The following GRM1 variants were observed in gnomAD, a reference collection of about 807,000 sequenced individuals.
GRM1 encodes the protein glutamate metabotropic receptor 1, also known as metabotropic glutamate receptor 1.
In GRM1, 33 loss-of-function variants were observed where a neutral mutation model predicts 90.9. The ratio of observed to expected loss-of-function variants is 0.36; its 90% CI spans 0.28 to 0.49. The LOEUF is 0.49. GRM1 is among the 20% of genes least tolerant of loss of function. The pLI, the probability that GRM1 is intolerant of heterozygous loss-of-function variation, is 0.99. For synonymous variants in GRM1, 700 were observed against 613.2 expected (o/e 1.14, Z -2.09); for missense variants, 1,190 against 1,534.3 (o/e 0.78, Z 3.75).
intron 7 of GRM1, among the ~76,000 whole-genome samples, chr6:146,429,479 G>T (rs1438740854): frequency 6.6e-6 from 1 of 152,206 alleles, no homozygotes; most frequent in Non-Finnish European, 1.5e-5. Context: ...GAAAACAGAA[G>T]TCTGATACAA....
chr6:146,224,835 G>T (rs1272232633), intron 2 of GRM1, among the ~76,000 whole-genome samples: 1 of 152,078 alleles, frequency 6.6e-6, no homozygotes, highest in Non-Finnish European at 1.5e-5. Flanking sequence ...AGGGAGAAAA[G>T]TCAAGAAAAC....
chr6:146,328,275 C>T (rs958033525), intron 3 of GRM1, among the ~76,000 whole-genome samples: 6 of 151,912 alleles, frequency 3.9e-5, no homozygotes, highest in South Asian at 4.2e-4. Flanking sequence ...AAAGTGATAC[C>T]CACTACGCCT....
At chr6:146,123,949 ACT>A (rs1052161868) in intron 1 of GRM1, among the ~76,000 whole-genome samples, 8 of 152,012 alleles carry the variant, frequency 5.3e-5, no homozygotes, top group Non-Finnish European at 1.0e-4. Context: ...AAGCAGAAAA[ACT>A]CTGTTTCGAG....
At chr6:146,424,009 C>T (rs1244427792) in intron 7 of GRM1, among the ~76,000 whole-genome samples, 1 of 152,168 alleles carries the variant, frequency 6.6e-6, no homozygotes, top group Non-Finnish European at 1.5e-5. Context: ...TTTGTGACTG[C>T]ACGTGCTCAG....
intron 2 of GRM1, among the ~76,000 whole-genome samples, chr6:146,281,502 T>A (rs1393595670): frequency 1.3e-5 from 2 of 152,220 alleles, no homozygotes; most frequent in African/African-American, 4.8e-5. Context: ...TTTGCTATGT[T>A]TGACAAAGGA....
chr6:146,374,519 C>T lies in GRM1; in HGVS notation c.1603-12371C>T, dbSNP rs76893297. 6.1e-3 allele frequency among the ~76,000 whole-genome samples: 923 copies of T among 152,042 alleles called. 33 individuals are homozygous for T. The East Asian group carries it at 0.1, about 17-fold the overall frequency. On this transcript the variant is annotated intron_variant, in intron 5 of 7. Coordinates refer to ENST00000282753, the MANE Select transcript of GRM1 (RefSeq NM_001278064.2). ...TCCCTGGCTTTTATTTACTGGGAGA[C>T]GTTTTATTACGGCTTCAATCTTGTT...
At chr6:146,272,866 G>A (rs1782221534) in intron 2 of GRM1, among the ~76,000 whole-genome samples, 1 of 152,160 alleles carries the variant, frequency 6.6e-6, no homozygotes, top group Admixed American at 6.5e-5. Flanking sequence ...GGAGTGCCTT[G>A]TAAAGGAACA....
rs372701602 is a variant in GRM1 at position 146,424,324 on chromosome 6, G to A, written c.2661-9548G>A. On this transcript the variant is annotated intron_variant, in intron 7 of 7. Coordinates refer to ENST00000282753, the MANE Select transcript of GRM1 (RefSeq NM_001278064.2). ...ACATATATCAGACCCTGATCTTGTC[G>A]GGACTTATGCCCAACCCCTTGTCAA... is the stretch of plus-strand genomic sequence containing the variant. 9.2e-5 allele frequency among the ~76,000 whole-genome samples: 14 copies of A among 152,274 alleles called. 1 individual carries two copies. In the East Asian group the frequency reaches 1.9e-3, roughly 21 times the overall value.
At chr6:146,358,629 A>G (rs1429316887) in intron 5 of GRM1, among the ~76,000 whole-genome samples, 1 of 152,166 alleles carries the variant, frequency 6.6e-6, no homozygotes, top group East Asian at 1.9e-4. Context: ...AGCTGCAAAA[A>G]CACCCATGGA....
At chr6:146,339,900 A>G (rs948574797) in intron 3 of GRM1, among the ~76,000 whole-genome samples, 4 of 152,352 alleles carry the variant, frequency 2.6e-5, no homozygotes, top group Middle Eastern at 3.4e-3. Context: ...GCCAGGGACC[A>G]TGGAAACCCA....
intron 7 of GRM1, among the ~76,000 whole-genome samples, chr6:146,410,930 T>G (rs1201227458): frequency 6.6e-6 from 1 of 152,220 alleles, no homozygotes; most frequent in African/African-American, 2.4e-5. Context: ...TGGTTAGAAT[T>G]ATAGGCTTGG....
intron 1 of GRM1, among the ~76,000 whole-genome samples, chr6:146,123,778 A>G (rs1035017490): frequency 6.6e-6 from 1 of 152,128 alleles, no homozygotes; most frequent in Non-Finnish European, 1.5e-5. Flanking sequence ...ATCTGCCTCA[A>G]ACATTCTAGA....
intron 7 of GRM1, among the ~76,000 whole-genome samples, chr6:146,423,061 G>T (rs1310676977): frequency 6.6e-6 from 1 of 152,088 alleles, no homozygotes; most frequent in East Asian, 1.9e-4. Context: ...ACTTTAAGAA[G>T]AAATTGAAGA....
At chr6:146,045,036 G>A (rs940509000) in intron 1 of GRM1, among the ~76,000 whole-genome samples, 3 of 151,836 alleles carry the variant, frequency 2.0e-5, no homozygotes, top group Non-Finnish European at 4.4e-5. Context: ...ACCGCAATAT[G>A]GACAGAACCT....
At position 146,029,392 on chromosome 6, in the gene GRM1, A is replaced by G. The variant is rs1301713730; in HGVS notation, c.-126A>G. On this transcript the variant is annotated 5_prime_UTR_variant, in exon 1 of 8. Transcript: ENST00000282753. ...GAGGAGGCAAAGGCCTTGGACGACCATTGTTGGCGAGGGGCACCACTCCGG... is the reference window on the plus strand; with the variant it reads ...GAGGAGGCAAAGGCCTTGGACGACCGTTGTTGGCGAGGGGCACCACTCCGG... 6 of 804,112 alleles carry G rather than the reference A, an allele frequency of 7.5e-6. No homozygotes were observed. Among genetic ancestry groups the G allele is most frequent in the South Asian group, 2.7e-5 (2 of 73,414 alleles). 49.8% of individuals were successfully genotyped at this position (804,112 alleles called of 1,614,324 possible).
chr6:146,434,483 C>T lies in GRM1; in HGVS notation c.3272C>T (p.Ser1091Phe), dbSNP rs1778527494. The T allele has an allele frequency of 1.9e-6, 3 of 1,614,040 alleles. No homozygotes were observed. The highest frequency in any genetic ancestry group is 4.5e-5 in the East Asian group (2 of 44,840). Reference protein sequence around the residue: ...QLSTFGEELVSPPADDDDDSE... With the variant: ...QLSTFGEELVFPPADDDDDSE... ...AGCACCTTTGGGGAGGAGCTGGTCT[C>T]CCCGCCCGCGGACGACGACGACGAC... The change falls in exon 8 of 8, where the codon TCC (serine) becomes TTC (phenylalanine). Residue 1091 changes from serine to phenylalanine, a missense_variant. Transcript: ENST00000282753.
intron 1 of GRM1, among the ~76,000 whole-genome samples, chr6:146,104,017 G>T (rs1294731131): frequency 6.6e-6 from 1 of 152,112 alleles, no homozygotes; most frequent in African/African-American, 2.4e-5. Flanking sequence ...AATGGTTTGG[G>T]AGTTGCTTGT....
intron 1 of GRM1, among the ~76,000 whole-genome samples, chr6:146,148,109 G>T (rs930133098): frequency 1.3e-5 from 2 of 152,124 alleles, no homozygotes; most frequent in Non-Finnish European, 2.9e-5. Flanking sequence ...AAGAAAAATT[G>T]TTATGTGGGC....
chr6:146,161,022 G>A (rs545988615), intron 2 of GRM1, among the ~76,000 whole-genome samples: 1 of 152,224 alleles, frequency 6.6e-6, no homozygotes, highest in Admixed American at 6.5e-5. Context: ...ATTTCTTTTA[G>A]GAGTGAAAAG....
Sources: gnomAD v4.1 joint callset for allele counts (sites outside exome capture counted in the v4.1 genomes callset) on GRCh38, gnomAD v4.1.1 for gene constraint, MANE v1.5 for transcripts, NCBI Gene and HGNC (gene_info 2026-07-23, HGNC 2026-07-21) for gene names.